SLIT3: variants seen among roughly 807,000 people sequenced by gnomAD.
SLIT3 encodes slit homolog 3 protein.
SLIT3 carries 68 observed loss-of-function variants against 184.0 expected under a neutral mutation model. The observed-to-expected ratio is 0.37, with a 90% confidence interval of 0.30 to 0.45. The LOEUF is 0.45. Ranked by LOEUF, SLIT3 falls within the 20% of genes least tolerant of loss-of-function variation. SLIT3 has a pLI of 1.00. For synonymous variants in SLIT3, 831 were observed against 828.6 expected (o/e 1.00, Z -0.05); for missense variants, 1,707 against 2,026.0 (o/e 0.84, Z 3.02).
chr5:169,100,069 C>A (rs1759949865), intron 4 of SLIT3, among the ~76,000 whole-genome samples: 1 of 152,196 alleles, frequency 6.6e-6, no homozygotes, highest in Non-Finnish European at 1.5e-5. Flanking sequence ...CCCTGCCAAG[C>A]CTCTCTCTGG....
chr5:169,166,905 C>T (rs1434638647), intron 4 of SLIT3, among the ~76,000 whole-genome samples: 2 of 152,174 alleles, frequency 1.3e-5, no homozygotes, highest in African/African-American at 4.8e-5. Context: ...GCGGCTCACG[C>T]CTGTAATCCC....
At chr5:168,984,564 C>T (rs6555845) in intron 4 of SLIT3, among the ~76,000 whole-genome samples, 61,837 of 151,944 alleles carry the variant, frequency 0.41, 13,622 homozygotes, top group African/African-American at 0.57. Context: ...TCCAGCCCCA[C>T]TGAAATATCA....
chr5:169,119,444 T>A (rs1156393032), intron 4 of SLIT3, among the ~76,000 whole-genome samples: 1 of 152,194 alleles, frequency 6.6e-6, no homozygotes, highest in Non-Finnish European at 1.5e-5. Context: ...TTCACAGCAA[T>A]AATTAACCCA....
intron 9 of SLIT3, among the ~76,000 whole-genome samples, chr5:168,801,176 C>T (rs1013954187): frequency 2.0e-5 from 3 of 152,168 alleles, no homozygotes; most frequent in African/African-American, 7.2e-5. Context: ...GCTCCCATCC[C>T]ACCCTATCAC....
intron 4 of SLIT3, among the ~76,000 whole-genome samples, chr5:169,044,931 C>T (rs1235122231): frequency 6.6e-6 from 1 of 152,116 alleles, no homozygotes; most frequent in Non-Finnish European, 1.5e-5. Context: ...TGTAAGCTTC[C>T]TTAGCTTCCC....
chr5:168,731,193 T>G (rs1460007127), intron 20 of SLIT3, among the ~76,000 whole-genome samples: 1 of 152,006 alleles, frequency 6.6e-6, no homozygotes, highest in East Asian at 1.9e-4. Flanking sequence ...AGCAAATGGA[T>G]AAATTCCCGG....
At position 169,189,527 on chromosome 5, in the gene SLIT3, G is replaced by GATAT. The variant is rs4042723; in HGVS notation, c.413+3948_413+3951dup. ...ACAGTACTGCTTCTTAGATAGATGG[G>GATAT]ATATATATATATATATATATATATA... On this transcript the variant is annotated intron_variant, in intron 4 of 35. Transcript: ENST00000519560. Among the ~76,000 whole-genome samples, 245 of 80,232 alleles carry GATAT rather than the reference G, an allele frequency of 3.1e-3. 4 individuals are homozygous for GATAT. Among genetic ancestry groups the GATAT allele is most frequent in the Non-Finnish European group, 4.1e-3 (163 of 40,092 alleles). 52.6% of individuals were successfully genotyped at this position (80,232 alleles called of 152,430 possible). A position where few individuals can be genotyped will look rare whatever the true frequency, so the allele number is the denominator to read the frequency against.
At chr5:168,887,282 C>T (rs1760256201) in intron 4 of SLIT3, among the ~76,000 whole-genome samples, 1 of 152,110 alleles carries the variant, frequency 6.6e-6, no homozygotes, top group Non-Finnish European at 1.5e-5. Flanking sequence ...TTCATGCTAC[C>T]AGGAAATCCT....
chr5:169,131,314 A>T (rs143904585), intron 4 of SLIT3, among the ~76,000 whole-genome samples: 1 of 152,214 alleles, frequency 6.6e-6, no homozygotes, highest in Non-Finnish European at 1.5e-5. Flanking sequence ...AGCAGCATCA[A>T]TATCATCTGG....
chr5:169,252,110 A>G (rs993385310), intron 1 of SLIT3, among the ~76,000 whole-genome samples: 2 of 152,244 alleles, frequency 1.3e-5, no homozygotes, highest in Non-Finnish European at 2.9e-5. Context: ...TGAAATCAAA[A>G]GAATTTGCCT....
rs541487743 is a variant in SLIT3, at chr5:168,789,057, T to C, written c.1079+503A>G. The stretch of plus-strand genomic sequence containing the variant: ...TCCAACCAGTGGGCTGCCTATGGGT[T>C]TCAAAATCAAAGACAGGAAGGGCTA... On this transcript the variant is annotated intron_variant, in intron 11 of 35. Transcript: ENST00000519560. Among the ~76,000 whole-genome samples, 7 of 152,088 alleles carry C rather than the reference T, an allele frequency of 4.6e-5. No individual in the cohort carries two copies. In the East Asian group the frequency reaches 1.4e-3, roughly 29 times the overall value.
At chr5:168,789,266 C>T (rs1041538875) in intron 11 of SLIT3, among the ~76,000 whole-genome samples, 1 of 800 alleles carries the variant, frequency 1.3e-3, no homozygotes, top group Non-Finnish European at 2.7e-3. Context: ...GGGAGGGGGA[C>T]GTGGGGTGGG....
Position 168,795,196 on chromosome 5 carries a change from C to T in SLIT3, c.1007+311G>A, listed in dbSNP as rs202022957. ...CTATTTTAGGTCCACATCACTGGAG[C>T]CAAGGGACAGTATAAATGGTGAAAT... is the stretch of plus-strand genomic sequence containing the variant. On this transcript the variant is annotated intron_variant, in intron 10 of 35. Transcript: ENST00000519560. Among the ~76,000 whole-genome samples the T allele has an allele frequency of 7.9e-5, 12 of 152,288 alleles. No individual in the cohort carries two copies. In the East Asian group the frequency reaches 1.2e-3, roughly 15 times the overall value.
At chr5:168,926,862 C>A (rs1455208374) in intron 4 of SLIT3, among the ~76,000 whole-genome samples, 48 of 147,538 alleles carry the variant, frequency 3.3e-4, no homozygotes, top group African/African-American at 8.7e-4. Flanking sequence ...TGGCTACTAT[C>A]AAAAAAAAAA....
intron 5 of SLIT3, among the ~76,000 whole-genome samples, chr5:168,851,003 G>A (rs1175203288): frequency 2.6e-5 from 4 of 152,122 alleles, no homozygotes; most frequent in Non-Finnish European, 5.9e-5. Flanking sequence ...AAAAATGCAG[G>A]GGGAAGATCC....
At chr5:169,157,036 GC>G (rs375878703) in intron 4 of SLIT3, among the ~76,000 whole-genome samples, 2,160 of 151,520 alleles carry the variant, frequency 0.014, 61 homozygotes, top group African/African-American at 0.05. Context: ...AAAAAATCTG[GC>G]CCCCCCCACC....
At chr5:169,265,301 G>T (rs1396324142) in intron 1 of SLIT3, among the ~76,000 whole-genome samples, 3 of 152,224 alleles carry the variant, frequency 2.0e-5, no homozygotes, top group Admixed American at 1.3e-4. Context: ...TTTCACATAT[G>T]CAAATTAATT....
intron 5 of SLIT3, among the ~76,000 whole-genome samples, chr5:168,862,678 GT>G (rs543314671): frequency 2.4e-4 from 34 of 141,226 alleles, no homozygotes; most frequent in Admixed American, 3.5e-4. Context: ...TTTGTTTGTT[GT>G]TTTTTTTTTT....
intron 23 of SLIT3, among the ~76,000 whole-genome samples, chr5:168,714,394 C>T (rs540724496): frequency 4.3e-4 from 66 of 152,282 alleles, no homozygotes; most frequent in Non-Finnish European, 8.4e-4. Context: ...CATTGTGACA[C>T]CTGCAAGTCA....
Sources: allele counts gnomAD v4.1 joint callset (sites outside exome capture counted in the v4.1 genomes callset), GRCh38; gene constraint gnomAD v4.1.1; transcripts MANE v1.5; gene names NCBI Gene and HGNC (gene_info 2026-07-23, HGNC 2026-07-21).